SUPT6H: variants seen among roughly 807,000 people sequenced by gnomAD.
The protein encoded by SUPT6H is SPT6 homolog, histone chaperone and transcription elongation factor.
Under a neutral mutation model 222.3 loss-of-function variants are expected in SUPT6H, and 11 were observed. The ratio of observed to expected loss-of-function variants is 0.05; its 90% CI spans 0.03 to 0.08. SUPT6H has a LOEUF of 0.08. Ranked by LOEUF, SUPT6H falls within the 10% of genes least tolerant of loss-of-function variation. The pLI is 1.00. For missense variants in SUPT6H, 1,422 were observed against 2,216.0 expected, an observed-to-expected ratio of 0.64 and a Z score of 7.19; for synonymous variants, 762 against 801.2, an observed-to-expected ratio of 0.95 and a Z score of 0.83.
intron 13 of SUPT6H, among the ~76,000 whole-genome samples, chr17:28,682,525 G>A (rs1404720882): frequency 6.6e-6 from 1 of 152,188 alleles, no homozygotes; most frequent in Non-Finnish European, 1.5e-5. Flanking sequence ...GAAAGCTGAA[G>A]TGGGAGGATC....
rs1247706592 is a variant in SUPT6H, at chr17:28,683,431, AGCCCTG to A, written c.2033+11_2033+16del. ...TTGAAGGGAGTGGAAGGGTAAGCAG[AGCCCTG>A]GGCTGGCGACTCTCTGGGGAAGGCC... On this transcript the variant is annotated intron_variant, in intron 16 of 36. Coordinates refer to ENST00000314616, the MANE Select transcript of SUPT6H (RefSeq NM_003170.5). 1.2e-6 allele frequency: 2 copies of A among 1,613,636 alleles called. No homozygotes were observed. Among genetic ancestry groups the A allele is most frequent in the Non-Finnish European group, 1.7e-6 (2 of 1,179,814 alleles).
chr17:28,696,977 A>C lies in SUPT6H; in HGVS notation c.4104A>C (p.Thr1368=). The C allele has an allele frequency of 6.2e-7, 1 of 1,614,090 alleles. No individual in the cohort carries two copies. The highest frequency in any genetic ancestry group is 8.5e-7 in the Non-Finnish European group (1 of 1,180,028). ...GCAGCAAGGGCGAGAACCACCTGACAGTGACCTGGAAAGTCAGTGATGGCA... is the reference window on the plus strand; with the variant it reads ...GCAGCAAGGGCGAGAACCACCTGACCGTGACCTGGAAAGTCAGTGATGGCA... ...RPSSKGENHL[T]VTWKVSDGIY... The change falls in exon 30 of 37, where the codon ACA becomes ACC. Residue 1368 remains threonine, a synonymous_variant. Transcript: ENST00000314616.
rs749017509 is a variant in SUPT6H, at chr17:28,676,286, C to A, written c.753C>A (p.Ile251=). ...AGGATGATGAGGCTGAGGGTGAAAT[C>A]CGAGTGCGCCCCAAGAAGACCACCA... ...EYEDDEAEGE[I]RVRPKKTTKK... Residue 251 remains isoleucine, a synonymous_variant, in exon 7 of 37, where the codon ATC becomes ATA. Coordinates refer to ENST00000314616, the MANE Select transcript of SUPT6H (RefSeq NM_003170.5). 1.2e-6 allele frequency: 2 copies of A among 1,613,754 alleles called. No individual in the cohort carries two copies. The highest frequency in any genetic ancestry group is 3.3e-5 in the Admixed American group (2 of 59,952).
rs1458784717 is a variant in SUPT6H at position 28,682,703 on chromosome 17, C to T, written c.1598-24C>T. 5 of 1,612,252 alleles carry T rather than the reference C, an allele frequency of 3.1e-6. No homozygotes were observed. The South Asian group carries it at 3.3e-5, about 11-fold the overall frequency. Reference sequence around the variant, plus strand: ...TTTATCAGCCTATCTGCTGCCTTACCCTTCACTCTTCTGTTTGCTTTAGAT... The same window carrying T: ...TTTATCAGCCTATCTGCTGCCTTACTCTTCACTCTTCTGTTTGCTTTAGAT... On this transcript the variant is annotated intron_variant, in intron 13 of 36. Coordinates refer to ENST00000314616, the MANE Select transcript of SUPT6H (RefSeq NM_003170.5).
In SUPT6H at chr17:28,683,588, T is replaced by C. The variant is rs372236607; in HGVS notation, c.2034-33T>C. 10 of 1,605,944 alleles carry C rather than the reference T, an allele frequency of 6.2e-6. No individual in the cohort carries two copies. The Middle Eastern group carries it at 5.0e-4, about 80-fold the overall frequency. ...GACATTGGGTGTCACCTTTTCTCCA[T>C]TCCTGACACCATAGCTTTGTGTCTC... On this transcript the variant is annotated intron_variant, in intron 16 of 36. Transcript: ENST00000314616.
At chr17:28,694,919 G>A (rs1486328212) in intron 28 of SUPT6H, 5 of 157,994 alleles carry the variant, frequency 3.2e-5, no homozygotes, top group Non-Finnish European at 7.0e-5. Flanking sequence ...CAGGAGAATC[G>A]CTTGAACCCT....
At chr17:28,679,217 C>CA (rs1161358907) in intron 11 of SUPT6H, among the ~76,000 whole-genome samples, 1 of 152,002 alleles carries the variant, frequency 6.6e-6, no homozygotes, top group Non-Finnish European at 1.5e-5. Flanking sequence ...ACTAAAAATA[C>CA]AAAAAATTAG....
chr17:28,687,568 AG>A, intron 23 of SUPT6H, 97 bp downstream of exon 23: 1 of 1,362,974 alleles, frequency 7.3e-7, no homozygotes, highest in Admixed American at 2.2e-5. Context: ...GGGAGGACCA[AG>A]GTCAGTGACT....
chr17:28,675,018 G>A lies in SUPT6H; in HGVS notation c.394G>A (p.Glu132Lys), dbSNP rs754802054. 9.3e-6 allele frequency: 15 copies of A among 1,614,132 alleles called. No homozygotes were observed. The highest frequency in any genetic ancestry group is 1.2e-5 in the Non-Finnish European group (14 of 1,180,034). Residue 132 changes from glutamate to lysine, a missense_variant, in exon 5 of 37, where the codon GAG becomes AAG. By Grantham distance (56) the Glu-to-Lys change is moderately conservative. This residue lies in a region of SUPT6H where 389 missense variants were observed against 544.6 expected (regional missense o/e 0.71). Coordinates refer to ENST00000314616, the MANE Select transcript of SUPT6H (RefSeq NM_003170.5). The stretch of plus-strand genomic sequence containing the variant: ...AATGTCAGATGACGAGGACGATGAC[G>A]AGGAGGAATATGGCAAGGAGGAACA... ...KKMSDDEDDD[E>K]EEYGKEEHEK...
chr17:28,676,774 A>T (rs576224538), intron 7 of SUPT6H, among the ~76,000 whole-genome samples: 6 of 152,038 alleles, frequency 3.9e-5, no homozygotes, highest in Non-Finnish European at 8.8e-5. Flanking sequence ...AAAAATACAA[A>T]AAACTAGCTG....
At chr17:28,667,209 C>CA (rs55712354) in intron 1 of SUPT6H, among the ~76,000 whole-genome samples, 88,570 of 132,110 alleles carry the variant, frequency 0.67, 30,695 homozygotes, top group South Asian at 0.79. Flanking sequence ...ACTAAAAATA[C>CA]AAAAAAAAAA....
chr17:28,691,136 G>A (rs57897749), intron 27 of SUPT6H, 73 bp downstream of exon 27: 3 of 1,531,304 alleles, frequency 2.0e-6, no homozygotes, highest in Non-Finnish European at 2.7e-6. Context: ...AAGGGAATCA[G>A]AAATGAGGGT....
Position 28,690,965 on chromosome 17 carries a change from C to T in SUPT6H, c.3535C>T (p.Pro1179Ser). The T allele has an allele frequency of 6.2e-7, 1 of 1,614,048 alleles. No homozygotes were observed. Among genetic ancestry groups the T allele is most frequent in the Non-Finnish European group, 8.5e-7 (1 of 1,180,030 alleles). ...TGTCACTGGCATTGCCCACAGGCGT[C>T]CCCAGGGTGAGAGCTATGACCAGGC... ...CNVTGIAHRR[P>S]QGESYDQAIR... Residue 1179 changes from proline (P) to serine (S), a missense_variant, in exon 27 of 37, where the codon CCC (proline) becomes TCC (serine). Physicochemically the swap from Pro to Ser is moderately conservative, Grantham distance 74. Coordinates refer to ENST00000314616, the MANE Select transcript of SUPT6H (RefSeq NM_003170.5).
At chr17:28,662,460 G>C (rs1285483796) in intron 1 of SUPT6H, 118 bp downstream of exon 1, 2 of 152,916 alleles carry the variant, frequency 1.3e-5, no homozygotes, top group Non-Finnish European at 2.9e-5. Flanking sequence ...AGAAGGGGGA[G>C]CCTGGCCTTC....
At chr17:28,667,477 A>G (rs1015164192) in intron 1 of SUPT6H, among the ~76,000 whole-genome samples, 1 of 134,842 alleles carries the variant, frequency 7.4e-6, no homozygotes, top group African/African-American at 2.8e-5. Flanking sequence ...ATGTGTATAT[A>G]TGTGTGTGTA....
intron 1 of SUPT6H, among the ~76,000 whole-genome samples, chr17:28,667,436 T>TATATATATAC (rs56080250): frequency 3.8e-5 from 5 of 132,440 alleles, no homozygotes; most frequent in African/African-American, 1.4e-4. Context: ...TATATATATA[T>TATATATATAC]GTATGTGTGT....
Position 28,675,447 on chromosome 17 carries a change from A to G in SUPT6H, c.585A>G (p.Lys195=), listed in dbSNP as rs751342196. The G allele has an allele frequency of 6.2e-7, 1 of 1,613,896 alleles. No individual in the cohort carries two copies. Among genetic ancestry groups the G allele is most frequent in the Non-Finnish European group, 8.5e-7 (1 of 1,179,988 alleles). The change falls in exon 6 of 37, where the codon AAA becomes AAG. Residue 195 remains lysine, a synonymous_variant. Coordinates refer to ENST00000314616, the MANE Select transcript of SUPT6H (RefSeq NM_003170.5). ...ATGATGATGGACAGCCTCTGAAAAA[A>G]CCTAAGTGGCGGAAAAAGCTTCCTG... is the stretch of plus-strand genomic sequence containing the variant. ...IVDDDGQPLK[K]PKWRKKLPGY...
intron 32 of SUPT6H, 74 bp downstream of exon 32, chr17:28,698,104 C>A: frequency 6.5e-7 from 1 of 1,534,010 alleles, no homozygotes; most frequent in Non-Finnish European, 8.7e-7. Flanking sequence ...AGGCCCGGAG[C>A]AGTGCCCTCT....
chr17:28,666,586 C>G (rs1305001633), intron 1 of SUPT6H, among the ~76,000 whole-genome samples: 4 of 148,218 alleles, frequency 2.7e-5, no homozygotes, highest in African/African-American at 7.5e-5. Context: ...GAGTCTCGCT[C>G]TGTCACCTTG....
Sources: gnomAD v4.1 joint callset for allele counts (sites outside exome capture counted in the v4.1 genomes callset) on GRCh38, gnomAD v4.1.1 for gene constraint, gnomAD v4.1.1 regional missense constraint, MANE v1.5 for transcripts, NCBI Gene and HGNC (gene_info 2026-07-23, HGNC 2026-07-21) for gene names.